Variants in TNR observed in about 807,000 individuals in gnomAD.
The protein encoded by TNR is tenascin R, also known as tenascin-R.
Under a neutral mutation model 150.4 loss-of-function variants are expected in TNR, and 45 were observed. That is an observed-to-expected ratio of 0.30 (90% CI 0.24 to 0.38). The LOEUF (loss-of-function observed/expected upper bound fraction) is 0.38, where lower values mean the gene tolerates loss of function less well. Among genes scored for constraint, TNR ranks in the 10% least tolerant of loss-of-function variants. The pLI is 1.00. For missense variants in TNR, 1,544 were observed against 1,759.1 expected (o/e 0.88, Z 2.19); for synonymous variants, 687 against 678.4 (o/e 1.01, Z -0.20).
intron 1 of TNR, among the ~76,000 whole-genome samples, chr1:175,543,583 T>C (rs558491389): frequency 2.6e-5 from 4 of 152,308 alleles, no homozygotes; most frequent in Admixed American, 2.0e-4. Flanking sequence ...CTTCCTTTAA[T>C]ATGCATACAT....
chr1:175,732,835 T>C (rs1046816174), intron 1 of TNR, among the ~76,000 whole-genome samples: 2 of 152,262 alleles, frequency 1.3e-5, no homozygotes, highest in Non-Finnish European at 2.9e-5. Context: ...AAAGGGATTG[T>C]TGAGATCAGT....
At chr1:175,330,022 G>T in intron 21 of TNR, 52 bp downstream of exon 21, 1 of 1,425,490 alleles carries the variant, frequency 7.0e-7, no homozygotes, top group African/African-American at 1.4e-5. Flanking sequence ...GAATCTGGGG[G>T]CTCTTGTCCC....
intron 8 of TNR, 68 bp downstream of exon 8, chr1:175,385,964 G>A (rs1381028405): frequency 6.7e-7 from 1 of 1,497,436 alleles, no homozygotes; most frequent in Non-Finnish European, 9.0e-7. Context: ...CTCTTGCTGT[G>A]ATGACACCAC....
chr1:175,481,325 A>C (rs1187575361), intron 2 of TNR, among the ~76,000 whole-genome samples: 1 of 152,192 alleles, frequency 6.6e-6, no homozygotes, highest in Non-Finnish European at 1.5e-5. Context: ...GGCCACTGTT[A>C]ACATTTTCCA....
intron 1 of TNR, among the ~76,000 whole-genome samples, chr1:175,634,734 G>A (rs1353735102): frequency 1.3e-5 from 2 of 152,112 alleles, no homozygotes; most frequent in African/African-American, 4.8e-5. Flanking sequence ...TGACTTGCTT[G>A]TTGTGCTCAC....
At position 175,468,385 on chromosome 1, in the gene TNR, A is replaced by G. The variant is rs193228163; in HGVS notation, c.-64+59884T>C. Among the ~76,000 whole-genome samples the G allele has an allele frequency of 3.3e-5, 5 of 152,350 alleles. No individual in the cohort carries two copies. The East Asian group carries it at 9.6e-4, about 29-fold the overall frequency. ...TGACGCATTGAAGGCATCTGGCATA[A>G]TAATCACACCAGTTCATTTTCTCTA... On this transcript the variant is annotated intron_variant, in intron 2 of 22. Transcript: ENST00000367674.
At chr1:175,688,093 AG>A (rs1432809164) in intron 1 of TNR, among the ~76,000 whole-genome samples, 1 of 152,268 alleles carries the variant, frequency 6.6e-6, no homozygotes, top group Admixed American at 6.5e-5. Context: ...TCTCACATAG[AG>A]GAAACTGACT....
intron 1 of TNR, among the ~76,000 whole-genome samples, chr1:175,639,072 C>A (rs1216307962): frequency 1.3e-5 from 2 of 152,122 alleles, no homozygotes; most frequent in Non-Finnish European, 2.9e-5. Context: ...TGGCACGCAC[C>A]CTGCTCCAAG....
chr1:175,655,505 C>G (rs376527055), intron 1 of TNR, among the ~76,000 whole-genome samples: 1 of 152,216 alleles, frequency 6.6e-6, no homozygotes, highest in South Asian at 2.1e-4. Context: ...ATCTGTGGGA[C>G]TCCTCACTCC....
chr1:175,361,924 G>A (rs114397377), intron 14 of TNR, among the ~76,000 whole-genome samples: 2,239 of 152,312 alleles, frequency 0.015, 33 homozygotes, highest in Non-Finnish European at 0.022. Flanking sequence ...GCCCCATTGC[G>A]TGGGCTTGTT....
At chr1:175,471,760 T>A (rs1657303256) in intron 2 of TNR, among the ~76,000 whole-genome samples, 2 of 152,182 alleles carry the variant, frequency 1.3e-5, no homozygotes, top group African/African-American at 4.8e-5. Context: ...TTATTAAATT[T>A]TTTTTCTTCA....
intron 2 of TNR, among the ~76,000 whole-genome samples, chr1:175,474,365 A>G (rs1657431383): frequency 6.6e-6 from 1 of 152,204 alleles, no homozygotes; most frequent in Non-Finnish European, 1.5e-5. Context: ...CAGAGGCACC[A>G]GGGGTGCATG....
chr1:175,355,458 C>T (rs1272109841), intron 17 of TNR, 45 bp downstream of exon 17: 8 of 1,602,840 alleles, frequency 5.0e-6, no homozygotes, highest in Non-Finnish European at 6.8e-6. Context: ...TCCACATGGC[C>T]TCACTTGGAA....
intron 2 of TNR, among the ~76,000 whole-genome samples, chr1:175,451,802 G>A (rs749791550): frequency 2.6e-5 from 4 of 152,210 alleles, no homozygotes; most frequent in African/African-American, 7.2e-5. Flanking sequence ...CATTTTGAAC[G>A]TTGGAGAGAC....
intron 1 of TNR, among the ~76,000 whole-genome samples, chr1:175,616,900 G>A (rs982482486): frequency 7.9e-5 from 12 of 152,188 alleles, no homozygotes; most frequent in African/African-American, 2.7e-4. Context: ...ACTGTGAAAT[G>A]AGAGGTTGAA....
chr1:175,499,443 A>G (rs1238325627), intron 2 of TNR, among the ~76,000 whole-genome samples: 1 of 152,072 alleles, frequency 6.6e-6, no homozygotes, highest in African/African-American at 2.4e-5. Flanking sequence ...CCATCCCATT[A>G]CCTTTGTTTC....
At chr1:175,404,509 C>T (rs905118102) in intron 3 of TNR, among the ~76,000 whole-genome samples, 20 of 152,198 alleles carry the variant, frequency 1.3e-4, no homozygotes, top group Admixed American at 1.0e-3. Context: ...TTCAAGTAAA[C>T]GTATTAAACA....
intron 2 of TNR, among the ~76,000 whole-genome samples, chr1:175,467,736 T>C (rs1323218355): frequency 1.3e-5 from 2 of 152,096 alleles, no homozygotes; most frequent in African/African-American, 4.8e-5. Flanking sequence ...GAAAAGGAAA[T>C]ACGTGGGAAT....
At chr1:175,326,593 C>A (rs1237575735) in intron 21 of TNR, among the ~76,000 whole-genome samples, 1 of 151,696 alleles carries the variant, frequency 6.6e-6, no homozygotes, top group East Asian at 1.9e-4. Context: ...CCACCATCTG[C>A]AACTCACTCT....
Sources: gnomAD v4.1 joint callset for allele counts (sites outside exome capture counted in the v4.1 genomes callset) on GRCh38, gnomAD v4.1.1 for gene constraint, MANE v1.5 for transcripts, NCBI Gene and HGNC (gene_info 2026-07-23, HGNC 2026-07-21) for gene names.